The following NRXN3 variants were observed in gnomAD, a reference collection of about 807,000 sequenced individuals.
NRXN3 encodes the protein neurexin III.
NRXN3 carries 32 observed loss-of-function variants against 137.6 expected under a neutral mutation model. That is an observed-to-expected ratio of 0.23 (90% CI 0.18 to 0.31). The LOEUF is 0.31. Among genes scored for constraint, NRXN3 ranks in the 10% least tolerant of loss-of-function variants. The pLI is 1.00. For synonymous variants in NRXN3, 798 were observed against 784.5 expected, an observed-to-expected ratio of 1.02 and a Z score of -0.29; for missense variants, 1,574 against 2,062.5, an observed-to-expected ratio of 0.76 and a Z score of 4.59.
intron 15 of NRXN3, among the ~76,000 whole-genome samples, chr14:79,196,107 G>A (rs545902047): frequency 6.6e-6 from 1 of 152,280 alleles, no homozygotes; most frequent in African/African-American, 2.4e-5. Context: ...GATTAAATGA[G>A]GCAAAAGTGA....
chr14:79,142,480 G>C (rs1440508910), intron 15 of NRXN3, among the ~76,000 whole-genome samples: 2 of 151,512 alleles, frequency 1.3e-5, no homozygotes. Flanking sequence ...ACCCCTGTCA[G>C]ACTGAGGGGG....
At chr14:78,487,784 T>C (rs887237152) in intron 4 of NRXN3, among the ~76,000 whole-genome samples, 2 of 114,694 alleles carry the variant, frequency 1.7e-5, no homozygotes, top group African/African-American at 6.6e-5. Flanking sequence ...AATAAATAAA[T>C]AAATAAAGAT....
chr14:78,607,502 T>C (rs6574455), intron 4 of NRXN3, among the ~76,000 whole-genome samples: 2,717 of 151,910 alleles, frequency 0.018, 72 homozygotes, highest in African/African-American at 0.062. Flanking sequence ...CAGCTATGAG[T>C]CTGGAAGTCC....
At chr14:79,257,957 A>G (rs1171908357) in intron 15 of NRXN3, among the ~76,000 whole-genome samples, 1 of 152,088 alleles carries the variant, frequency 6.6e-6, no homozygotes, top group African/African-American at 2.4e-5. Flanking sequence ...CTGGAAAAAA[A>G]AAAGTTGTGA....
intron 15 of NRXN3, among the ~76,000 whole-genome samples, chr14:79,409,078 C>T (rs1378814058): frequency 6.6e-6 from 1 of 152,098 alleles, no homozygotes; most frequent in Non-Finnish European, 1.5e-5. Flanking sequence ...TTTTTCTCAA[C>T]TGAATCCAAG....
At chr14:78,238,834 G>A (rs1421850567) in intron 1 of NRXN3, among the ~76,000 whole-genome samples, 1 of 152,202 alleles carries the variant, frequency 6.6e-6, no homozygotes, top group Non-Finnish European at 1.5e-5. Context: ...AAGGATGAGG[G>A]ACTGAAGGAA....
rs559249746 is a variant in NRXN3, at chr14:78,909,159, A to G, written c.2276-48083A>G. On this transcript the variant is annotated intron_variant, in intron 10 of 20. Transcript: ENST00000335750. Reference sequence around the variant, plus strand: ...AAGCAGAACTTTCAATGAAAATTTTAAACAAGCGGGATCAAAATCCTAAAA... The same window carrying G: ...AAGCAGAACTTTCAATGAAAATTTTGAACAAGCGGGATCAAAATCCTAAAA... 3.3e-5 allele frequency among the ~76,000 whole-genome samples: 5 copies of G among 152,298 alleles called. No individual in the cohort carries two copies. In the East Asian group the frequency reaches 7.7e-4, roughly 24 times the overall value.
At chr14:78,805,362 G>A (rs1367532640) in intron 9 of NRXN3, among the ~76,000 whole-genome samples, 2 of 151,544 alleles carry the variant, frequency 1.3e-5, no homozygotes, top group East Asian at 1.9e-4. Flanking sequence ...AATCCTCCCC[G>A]CCATCAACCA....
At chr14:79,838,144 C>T (rs984008780) in intron 20 of NRXN3, among the ~76,000 whole-genome samples, 2 of 152,116 alleles carry the variant, frequency 1.3e-5, no homozygotes, top group Non-Finnish European at 2.9e-5. Flanking sequence ...CATGATTTTA[C>T]AAAGACAATA....
At chr14:79,661,080 C>T (rs221444) in intron 16 of NRXN3, among the ~76,000 whole-genome samples, 59,371 of 151,938 alleles carry the variant, frequency 0.39, 16,035 homozygotes, top group African/African-American at 0.77. Flanking sequence ...ATAATATTAG[C>T]TATGGGCATG....
chr14:78,797,806 C>A (rs769318145), intron 8 of NRXN3, among the ~76,000 whole-genome samples: 5 of 152,084 alleles, frequency 3.3e-5, no homozygotes, highest in Non-Finnish European at 5.9e-5. Flanking sequence ...GTAAAAGGCA[C>A]CTCTTACATG....
rs150761268 is a variant in NRXN3 at position 78,594,121 on chromosome 14, C to T, written c.758-50999C>T. Reference sequence around the variant, plus strand: ...GACATGAGGCAATGTCTGTGGCAAGCGAAAAATGTGTGCTGAGCCTTGGGA... The same window carrying T: ...GACATGAGGCAATGTCTGTGGCAAGTGAAAAATGTGTGCTGAGCCTTGGGA... On this transcript the variant is annotated intron_variant, in intron 4 of 20. Coordinates refer to ENST00000335750, the MANE Select transcript of NRXN3 (RefSeq NM_001330195.2). Among the ~76,000 whole-genome samples, 177 of 152,232 alleles carry T rather than the reference C, an allele frequency of 1.2e-3. 1 individual carries two copies. Among genetic ancestry groups the T allele is most frequent in the Non-Finnish European group, 2.2e-3 (151 of 68,018 alleles).
intron 15 of NRXN3, among the ~76,000 whole-genome samples, chr14:79,089,992 G>A (rs1391109156): frequency 1.3e-5 from 2 of 152,124 alleles, no homozygotes; most frequent in Admixed American, 6.6e-5. Flanking sequence ...TCATATTCAA[G>A]TACTTCCTTG....
At chr14:79,014,312 A>G (rs1371943592) in intron 15 of NRXN3, among the ~76,000 whole-genome samples, 3 of 152,064 alleles carry the variant, frequency 2.0e-5, no homozygotes, top group Non-Finnish European at 4.4e-5. Context: ...TTGTATCTCT[A>G]TGTACTCAAT....
intron 15 of NRXN3, among the ~76,000 whole-genome samples, chr14:79,116,350 T>C (rs1417426827): frequency 6.6e-6 from 1 of 152,212 alleles, no homozygotes; most frequent in African/African-American, 2.4e-5. Context: ...TGCAGACCTC[T>C]AACTCTCTCC....
chr14:79,435,766 C>G (rs2095837848), intron 15 of NRXN3, among the ~76,000 whole-genome samples: 1 of 152,036 alleles, frequency 6.6e-6, no homozygotes, highest in Non-Finnish European at 1.5e-5. Context: ...TCCTGAGGAG[C>G]TGGGACTATA....
intron 16 of NRXN3, among the ~76,000 whole-genome samples, chr14:79,539,671 T>C (rs530840677): frequency 1.3e-5 from 2 of 152,264 alleles, no homozygotes; most frequent in East Asian, 3.9e-4. Flanking sequence ...AGAGAAAAGA[T>C]GGATAACATA....
intron 7 of NRXN3, among the ~76,000 whole-genome samples, chr14:78,713,838 A>G (rs920035510): frequency 3.7e-4 from 57 of 152,342 alleles, no homozygotes; most frequent in African/African-American, 1.3e-3. Context: ...ACATGGAGGT[A>G]ATGTCCCCAT....
intron 14 of NRXN3, among the ~76,000 whole-genome samples, chr14:78,986,900 G>A (rs1481955784): frequency 6.6e-6 from 1 of 150,980 alleles, no homozygotes; most frequent in Non-Finnish European, 1.5e-5. Flanking sequence ...GCGTGTGCCT[G>A]TAATCCCAAC....
Sources: gnomAD v4.1 joint callset for allele counts (sites outside exome capture counted in the v4.1 genomes callset) on GRCh38, gnomAD v4.1.1 for gene constraint, MANE v1.5 for transcripts, NCBI Gene and HGNC (gene_info 2026-07-23, HGNC 2026-07-21) for gene names.